Variants in RPAP3 observed in about 807,000 individuals in gnomAD.
The protein encoded by RPAP3 is RNA polymerase II-associated protein 3.
A neutral mutation model predicts 88.8 loss-of-function variants in RPAP3; 58 were observed. The ratio of observed to expected loss-of-function variants is 0.65; its 90% CI spans 0.53 to 0.81. The LOEUF is 0.81. Among genes scored for constraint, RPAP3 ranks in the 40% least tolerant of loss-of-function variants. RPAP3 has a pLI of 0.00. For synonymous variants in RPAP3, 255 were observed against 259.9 expected (o/e 0.98, Z 0.18); for missense variants, 751 against 764.3 (o/e 0.98, Z 0.20).
In RPAP3 at chr12:47,661,366, G is replaced by A. The variant is rs1040378802; in HGVS notation, c.*2139C>T. On this transcript the variant is annotated 3_prime_UTR_variant, in exon 17 of 17. Transcript: ENST00000005386. ...TCACTTTTAGGAAATGTTGGTAATT[G>A]TAATAATAATAGTAACAGTAGCTTA... 5 of 72,244 alleles carry A rather than the reference G, an allele frequency of 6.9e-5. No homozygotes were observed. The highest frequency in any genetic ancestry group is 3.5e-5 in the Non-Finnish European group (1 of 28,780). The allele number at this position is 72,244 out of a possible 1,614,324, so 4.5% of individuals were successfully genotyped here.
Position 47,690,641 on chromosome 12 carries a change from T to C in RPAP3, c.546-2A>G. 1.4e-6 allele frequency: 2 copies of C among 1,463,838 alleles called. No homozygotes were observed. The highest frequency in any genetic ancestry group is 1.8e-6 in the Non-Finnish European group (2 of 1,095,444). The allele number at this position is 1,463,838 out of a possible 1,614,324, so 90.7% of individuals were successfully genotyped here. A position where few individuals can be genotyped will look rare whatever the true frequency, so the allele number is the denominator to read the frequency against. ...CAATCAGACTCAGCAACAGCAAATC[T>C]GCAATTTAAAAACATTAAAATAAAT... is the stretch of plus-strand genomic sequence containing the variant. On this transcript the variant is annotated splice_acceptor_variant, in intron 5 of 16. Transcript: ENST00000005386. LOFTEE classifies it high-confidence loss of function.
intron 16 of RPAP3, among the ~76,000 whole-genome samples, chr12:47,664,240 A>T (rs1298262647): frequency 1.3e-5 from 2 of 152,112 alleles, no homozygotes; most frequent in Non-Finnish European, 2.9e-5. Context: ...ATACAAAAAA[A>T]TTAGCCGCGA....
chr12:47,675,146 T>C (rs181223311), intron 12 of RPAP3, among the ~76,000 whole-genome samples: 226 of 152,230 alleles, frequency 1.5e-3, no homozygotes, highest in African/African-American at 5.3e-3. Context: ...CTAGCCAAAC[T>C]AAGCTTCCTA....
At chr12:47,677,007 A>G (rs1939129228) in intron 12 of RPAP3, among the ~76,000 whole-genome samples, 1 of 152,222 alleles carries the variant, frequency 6.6e-6, no homozygotes, top group Admixed American at 6.5e-5. Context: ...AATACTGGCA[A>G]ACCGAATCCA....
chr12:47,693,698 A>G (rs1207299827), intron 5 of RPAP3, among the ~76,000 whole-genome samples: 3 of 152,238 alleles, frequency 2.0e-5, no homozygotes, highest in Non-Finnish European at 4.4e-5. Context: ...TTACCAATGC[A>G]GTTCCACAAG....
intron 2 of RPAP3, 85 bp downstream of exon 2, chr12:47,702,603 T>C (rs1939677293): frequency 1.8e-6 from 2 of 1,123,556 alleles, no homozygotes; most frequent in Non-Finnish European, 2.5e-6. Flanking sequence ...TCAATTTCAG[T>C]ATTTTCACAA....
rs559493450 is a variant in RPAP3, at chr12:47,669,958, G to A, written c.1526+149C>T. ...TTAAGCAAAATCACCCTTACAATAAGTACAAACAAAAAAGAAAAGCTAGAA... is the reference window on the plus strand; with the variant it reads ...TTAAGCAAAATCACCCTTACAATAAATACAAACAAAAAAGAAAAGCTAGAA... On this transcript the variant is annotated intron_variant, in intron 13 of 16. Coordinates refer to ENST00000005386, the MANE Select transcript of RPAP3 (RefSeq NM_024604.3). 60 of 576,494 alleles carry A rather than the reference G, an allele frequency of 1.0e-4. No individual in the cohort carries two copies. In the East Asian group the frequency reaches 1.6e-3, roughly 15 times the overall value. 35.7% of individuals were successfully genotyped at this position (576,494 alleles called of 1,614,324 possible). A position where few individuals can be genotyped will look rare whatever the true frequency, so the allele number is the denominator to read the frequency against.
chr12:47,701,053 A>T (rs1189312664), intron 3 of RPAP3: 1 of 152,648 alleles, frequency 6.6e-6, no homozygotes, highest in Non-Finnish European at 1.5e-5. Flanking sequence ...CCAAACCTAC[A>T]CATGGGATAA....
At chr12:47,701,945 G>A (rs1421718217) in intron 2 of RPAP3, among the ~76,000 whole-genome samples, 2 of 152,118 alleles carry the variant, frequency 1.3e-5, no homozygotes, top group African/African-American at 4.8e-5. Flanking sequence ...AAACTGAACT[G>A]CCTCCATATT....
At chr12:47,700,750 G>A (rs150483173) in intron 3 of RPAP3, among the ~76,000 whole-genome samples, 89 of 152,328 alleles carry the variant, frequency 5.8e-4, no homozygotes, top group African/African-American at 2.0e-3. Flanking sequence ...CAGTCTAGAA[G>A]GGTAAAGAAG....
chr12:47,691,021 T>C (rs1008987316), intron 5 of RPAP3, among the ~76,000 whole-genome samples: 40 of 152,050 alleles, frequency 2.6e-4, no homozygotes, highest in African/African-American at 9.7e-4. Context: ...AAAATCTGAG[T>C]CTTTAGTGAA....
chr12:47,669,348 A>C (rs1376153079), intron 13 of RPAP3, among the ~76,000 whole-genome samples: 2 of 152,146 alleles, frequency 1.3e-5, no homozygotes. Flanking sequence ...CAGCTAACCT[A>C]TCCACCTTTT....
intron 5 of RPAP3, among the ~76,000 whole-genome samples, chr12:47,695,309 G>C (rs1939502890): frequency 6.6e-6 from 1 of 151,860 alleles, no homozygotes; most frequent in Non-Finnish European, 1.5e-5. Flanking sequence ...AAATAGGTGA[G>C]CCACAGAAAA....
At chr12:47,696,779 A>G (rs1939536228) in intron 4 of RPAP3, among the ~76,000 whole-genome samples, 2 of 152,256 alleles carry the variant, frequency 1.3e-5, no homozygotes, top group East Asian at 1.9e-4. Context: ...AATACAGTAT[A>G]TAATACATAT....
At chr12:47,676,597 C>T (rs899146500) in intron 12 of RPAP3, among the ~76,000 whole-genome samples, 1 of 152,112 alleles carries the variant, frequency 6.6e-6, no homozygotes, top group Non-Finnish European at 1.5e-5. Context: ...TACAAACTAC[C>T]GTCAGAGAAT....
intron 5 of RPAP3, among the ~76,000 whole-genome samples, chr12:47,692,437 T>C (rs1001034112): frequency 6.6e-6 from 1 of 152,246 alleles, no homozygotes; most frequent in Non-Finnish European, 1.5e-5. Flanking sequence ...TTTTATGTTA[T>C]GGAGACAGCT....
chr12:47,694,304 G>A (rs1457127059), intron 5 of RPAP3, among the ~76,000 whole-genome samples: 4 of 152,146 alleles, frequency 2.6e-5, no homozygotes, highest in Admixed American at 2.0e-4. Flanking sequence ...ATAGTAGCAC[G>A]GCAGATCCAC....
chr12:47,689,742 T>A (rs762296864), intron 6 of RPAP3, among the ~76,000 whole-genome samples: 1 of 151,990 alleles, frequency 6.6e-6, no homozygotes, highest in Non-Finnish European at 1.5e-5. Flanking sequence ...AAGTTGTATA[T>A]CATAAAACCA....
At chr12:47,693,815 T>C (rs1419039001) in intron 5 of RPAP3, among the ~76,000 whole-genome samples, 8 of 152,298 alleles carry the variant, frequency 5.3e-5, no homozygotes, top group African/African-American at 1.9e-4. Context: ...TTGCTGGAAG[T>C]ATTACAAGTT....
Sources: gnomAD v4.1 joint callset for allele counts (sites outside exome capture counted in the v4.1 genomes callset) on GRCh38, gnomAD v4.1.1 for gene constraint, MANE v1.5 for transcripts, NCBI Gene and HGNC (gene_info 2026-07-23, HGNC 2026-07-21) for gene names.